The following ABCB5 variants were observed in gnomAD, a reference collection of about 807,000 sequenced individuals.
ABCB5 encodes ATP-binding cassette sub-family B member 5.
A neutral mutation model predicts 144.2 loss-of-function variants in ABCB5; 155 were observed. That is an observed-to-expected ratio of 1.08 (90% CI 0.94 to 1.23). The LOEUF (loss-of-function observed/expected upper bound fraction) is 1.23, where lower values mean the gene tolerates loss of function less well. Among genes scored for constraint, ABCB5 ranks in the 50% most tolerant of loss-of-function variants. The pLI, the probability that ABCB5 is intolerant of heterozygous loss-of-function variation, is 0.00. For synonymous variants in ABCB5, 610 were observed against 528.6 expected, an observed-to-expected ratio of 1.15 and a Z score of -2.11; for missense variants, 1,830 against 1,520.8, an observed-to-expected ratio of 1.20 and a Z score of -3.38.
chr7:20,707,169 T>C (rs1209569535), intron 20 of ABCB5, among the ~76,000 whole-genome samples: 5 of 152,234 alleles, frequency 3.3e-5, no homozygotes, highest in Admixed American at 2.0e-4. Flanking sequence ...ATTTCAGTTA[T>C]ATTTTATTCT....
Position 20,648,015 on chromosome 7 carries a change from C to T in ABCB5, c.1143C>T (p.Ser381=), listed in dbSNP as rs1457363265. ...CCACAGCTGGATATAAACCTGAATC[C>T]ATAGAAGGAACTGTGGAATTTAAAA... The part of the protein sequence containing the change: ...NFSTAGYKPE[S]IEGTVEFKNV... The change falls in exon 11 of 28, where the codon TCC becomes TCT. Residue 381 remains serine, a synonymous_variant. Coordinates refer to ENST00000404938, the MANE Select transcript of ABCB5 (RefSeq NM_001163941.2). 2 of 1,612,102 alleles carry T rather than the reference C, an allele frequency of 1.2e-6. No individual in the cohort carries two copies. The highest frequency in any genetic ancestry group is 2.2e-5 in the South Asian group (2 of 90,966).
chr7:20,655,737 T>C (rs2128028369), intron 13 of ABCB5, among the ~76,000 whole-genome samples: 1 of 152,362 alleles, frequency 6.6e-6, no homozygotes, highest in South Asian at 2.1e-4. Flanking sequence ...TCCAAGTTGA[T>C]ATATAAATAT....
At chr7:20,655,650 A>G (rs1157674341) in intron 13 of ABCB5, among the ~76,000 whole-genome samples, 2 of 152,246 alleles carry the variant, frequency 1.3e-5, no homozygotes, top group East Asian at 3.8e-4. Context: ...GCTGATAGAC[A>G]TGAAAAGATC....
Position 20,704,712 on chromosome 7 carries a change from C to A in ABCB5, c.2338-12C>A. ...TTTTTGACAACCATATGTTAATTCT[C>A]CTTTTCTCTAGGATATTGCCTGGTT... On this transcript the variant is annotated splice_polypyrimidine_tract_variant and intron_variant, in intron 19 of 27. Transcript: ENST00000404938. 6.2e-7 allele frequency: 1 copy of A among 1,607,668 alleles called. No homozygotes were observed. Among genetic ancestry groups the A allele is most frequent in the Non-Finnish European group, 8.5e-7 (1 of 1,176,870 alleles).
chr7:20,691,229 G>A (rs926191291), intron 16 of ABCB5, among the ~76,000 whole-genome samples: 25 of 132,464 alleles, frequency 1.9e-4, no homozygotes. Flanking sequence ...TTGTTGCTCA[G>A]GCTAGAGTGC....
Position 20,720,943 on chromosome 7 carries a change from C to CAAAAAAAAAAAAAAAAAAA in ABCB5, c.2422-2067_2422-2049dup, listed in dbSNP as rs71020677. ...TGGGCGACAGAGCGAAACTCTGCCTCAAAAAAAAAAAAAAAAAAAAAAAAG... is the reference window on the plus strand; with the variant it reads ...TGGGCGACAGAGCGAAACTCTGCCTCAAAAAAAAAAAAAAAAAAAAAAAAAAAAAAAAAAAAAAAAAAAG... On this transcript the variant is annotated intron_variant, in intron 20 of 27. Transcript: ENST00000404938. 2.8e-5 allele frequency among the ~76,000 whole-genome samples: 2 copies of CAAAAAAAAAAAAAAAAAAA among 71,062 alleles called. 1 individual carries two copies. Among genetic ancestry groups the CAAAAAAAAAAAAAAAAAAA allele is most frequent in the Non-Finnish European group, 5.1e-5 (2 of 39,192 alleles). The allele number at this position is 71,062 out of a possible 152,430, so 46.6% of individuals were successfully genotyped here. A position where few individuals can be genotyped will look rare whatever the true frequency, so the allele number is the denominator to read the frequency against.
At chr7:20,699,333 T>C (rs1467173023) in intron 17 of ABCB5, among the ~76,000 whole-genome samples, 1 of 152,236 alleles carries the variant, frequency 6.6e-6, no homozygotes, top group Non-Finnish European at 1.5e-5. Flanking sequence ...TTATCATAGA[T>C]AATGTATGCA....
intron 26 of ABCB5, among the ~76,000 whole-genome samples, chr7:20,750,812 T>C (rs567091624): frequency 1.3e-5 from 2 of 152,250 alleles, no homozygotes; most frequent in East Asian, 1.9e-4. Flanking sequence ...TGTAATGTAA[T>C]GCATCTACCA....
chr7:20,646,344 C>T (rs1035221440), intron 9 of ABCB5, among the ~76,000 whole-genome samples: 2 of 152,194 alleles, frequency 1.3e-5, no homozygotes, highest in African/African-American at 4.8e-5. Flanking sequence ...AGTGTCCTCG[C>T]TGTGTCAAGC....
At chr7:20,670,476 G>A (rs1785427516) in intron 14 of ABCB5, among the ~76,000 whole-genome samples, 1 of 152,074 alleles carries the variant, frequency 6.6e-6, no homozygotes, top group African/African-American at 2.4e-5. Flanking sequence ...CCTTCTGGAA[G>A]GCAGTGAGTG....
At chr7:20,703,868 T>C (rs936230439) in intron 19 of ABCB5, among the ~76,000 whole-genome samples, 4 of 152,146 alleles carry the variant, frequency 2.6e-5, no homozygotes, top group Admixed American at 2.6e-4. Context: ...TTAGATTGCA[T>C]ACCTCTTAAC....
chr7:20,633,458 T>G (rs1010968681), intron 5 of ABCB5, among the ~76,000 whole-genome samples: 3 of 152,124 alleles, frequency 2.0e-5, no homozygotes, highest in Non-Finnish European at 4.4e-5. Flanking sequence ...TTCTGGGCCT[T>G]AATTCTTTTT....
chr7:20,651,121 C>T (rs542283379), intron 12 of ABCB5, among the ~76,000 whole-genome samples: 4 of 152,230 alleles, frequency 2.6e-5, no homozygotes, highest in East Asian at 1.9e-4. Context: ...TACATAATAA[C>T]ATTTGCGGAA....
intron 14 of ABCB5, among the ~76,000 whole-genome samples, chr7:20,668,447 G>C (rs200265682): frequency 6.7e-6 from 1 of 149,538 alleles, no homozygotes. Context: ...GTCTCTGCCC[G>C]GCCGCCCCGT....
chr7:20,650,115 C>CTGCAGACTTTATA lies in ABCB5; in HGVS notation c.1306_1307insCTTTATATGCAGA (p.Arg436ThrfsTer8). The CTGCAGACTTTATA allele has an allele frequency of 6.2e-7, 1 of 1,613,622 alleles. No homozygotes were observed. Among genetic ancestry groups the CTGCAGACTTTATA allele is most frequent in the East Asian group, 2.2e-5 (1 of 44,880 alleles). ...TGGGAAGAGTACGGTAGTCCAGCTT[C>CTGCAGACTTTATA]TGCAGAGGTTATATGATCCGGATGA... On this transcript the variant is annotated frameshift_variant, in exon 12 of 28. Coordinates refer to ENST00000404938, the MANE Select transcript of ABCB5 (RefSeq NM_001163941.2). LOFTEE classifies it high-confidence loss of function.
chr7:20,621,573 G>C (rs189576832), intron 1 of ABCB5, among the ~76,000 whole-genome samples: 1 of 152,184 alleles, frequency 6.6e-6, no homozygotes, highest in Non-Finnish European at 1.5e-5. Context: ...CAAACTAGTA[G>C]CTGGCACATC....
intron 14 of ABCB5, chr7:20,667,492 T>A (rs1269220642): frequency 1.6e-5 from 16 of 982,294 alleles, no homozygotes; most frequent in Non-Finnish European, 1.9e-5. Context: ...TCCTCTCAAA[T>A]TCTCCTTAGA....
intron 14 of ABCB5, among the ~76,000 whole-genome samples, chr7:20,675,142 C>A (rs1315794593): frequency 6.6e-6 from 1 of 151,806 alleles, no homozygotes; most frequent in African/African-American, 2.4e-5. Flanking sequence ...ATAAAGAACT[C>A]ACCCTAAAAT....
chr7:20,659,275 T>C, intron 14 of ABCB5: 1 of 1,477,290 alleles, frequency 6.8e-7, no homozygotes, highest in Non-Finnish European at 8.9e-7. Flanking sequence ...AGTGGCGGTA[T>C]GAAAAACCAT....
Sources: allele counts gnomAD v4.1 joint callset (sites outside exome capture counted in the v4.1 genomes callset), GRCh38; gene constraint gnomAD v4.1.1; transcripts MANE v1.5; gene names NCBI Gene and HGNC (gene_info 2026-07-23, HGNC 2026-07-21).